SPOCK3: variants seen among roughly 807,000 people sequenced by gnomAD.
The protein encoded by SPOCK3 is SPARC (osteonectin), cwcv and kazal like domains proteoglycan 3.
In SPOCK3, 30 loss-of-function variants were observed where a neutral mutation model predicts 56.6. The observed-to-expected ratio is 0.53, with a 90% CI of 0.40 to 0.72. The LOEUF (loss-of-function observed/expected upper bound fraction) is 0.72. Ranked by LOEUF, SPOCK3 falls within the 30% of genes least tolerant of loss-of-function variation. SPOCK3 has a pLI of 0.00. For synonymous variants in SPOCK3, 196 were observed against 183.3 expected, an observed-to-expected ratio of 1.07 and a Z score of -0.56; for missense variants, 527 against 530.0, an observed-to-expected ratio of 0.99 and a Z score of 0.06.
intron 6 of SPOCK3, among the ~76,000 whole-genome samples, chr4:166,878,273 C>T (rs1733307970): frequency 6.6e-6 from 1 of 151,942 alleles, no homozygotes; most frequent in African/African-American, 2.4e-5. Flanking sequence ...AGCAAGACTC[C>T]ATCTCAAAAA....
At chr4:167,109,289 A>C (rs1378575059) in intron 2 of SPOCK3, among the ~76,000 whole-genome samples, 1 of 91,388 alleles carries the variant, frequency 1.1e-5, no homozygotes, top group Non-Finnish European at 1.9e-5. Context: ...AGTATTAATT[A>C]TTATAAATAA....
chr4:166,985,005 G>A (rs189902305), intron 4 of SPOCK3, among the ~76,000 whole-genome samples: 1 of 152,130 alleles, frequency 6.6e-6, no homozygotes, highest in South Asian at 2.1e-4. Context: ...TCAGAATATG[G>A]CCCCAGAAGT....
chr4:166,859,042 T>C (rs1301615484), intron 6 of SPOCK3, among the ~76,000 whole-genome samples: 1 of 152,226 alleles, frequency 6.6e-6, no homozygotes, highest in East Asian at 1.9e-4. Context: ...TTTACCTTTT[T>C]TATCTCTAGA....
intron 4 of SPOCK3, among the ~76,000 whole-genome samples, chr4:166,947,699 T>C (rs532578124): frequency 6.6e-6 from 1 of 152,156 alleles, no homozygotes; most frequent in South Asian, 2.1e-4. Context: ...ATTCTCTGTG[T>C]TACTTCTTTT....
chr4:166,930,673 A>G (rs1323272200), intron 4 of SPOCK3, among the ~76,000 whole-genome samples: 1 of 152,240 alleles, frequency 6.6e-6, no homozygotes, highest in Non-Finnish European at 1.5e-5. Flanking sequence ...GCACTTATGG[A>G]AAACATTTGC....
chr4:166,950,046 G>C (rs1204357557), intron 4 of SPOCK3, among the ~76,000 whole-genome samples: 2 of 150,012 alleles, frequency 1.3e-5, no homozygotes, highest in African/African-American at 2.5e-5. Flanking sequence ...AAAATAACCA[G>C]CTAACTTCAT....
chr4:166,954,978 T>G (rs970131392), intron 4 of SPOCK3, among the ~76,000 whole-genome samples: 6 of 152,172 alleles, frequency 3.9e-5, no homozygotes, highest in African/African-American at 1.4e-4. Flanking sequence ...TGTTGACTCT[T>G]CTACTAATTC....
intron 3 of SPOCK3, among the ~76,000 whole-genome samples, chr4:167,046,472 T>C (rs1335489457): frequency 7.0e-6 from 1 of 142,478 alleles, no homozygotes; most frequent in African/African-American, 2.6e-5. Flanking sequence ...TTTTTTTTTT[T>C]TTTAACAAAG....
chr4:167,105,947 T>A (rs1178348439), intron 2 of SPOCK3, among the ~76,000 whole-genome samples: 1 of 151,896 alleles, frequency 6.6e-6, no homozygotes, highest in African/African-American at 2.4e-5. Flanking sequence ...CAATTGTAAA[T>A]ATGTAAGCAA....
intron 6 of SPOCK3, among the ~76,000 whole-genome samples, chr4:166,882,578 G>A (rs1055773093): frequency 6.6e-6 from 1 of 152,064 alleles, no homozygotes; most frequent in African/African-American, 2.4e-5. Flanking sequence ...AAGTTTAAAC[G>A]TCCTTTAGTG....
In SPOCK3 at chr4:167,080,466, C is replaced by T. The variant is rs566935142; in HGVS notation, c.190-17929G>A. 9.4e-4 allele frequency among the ~76,000 whole-genome samples: 143 copies of T among 152,078 alleles called. 1 individual carries two copies. The highest frequency in any genetic ancestry group is 3.3e-3 in the African/African-American group (136 of 41,510). Reference sequence around the variant, plus strand: ...TTGAGCAGTACTGTGCTCTTATTAACGGGAATGAGCCTTTCTCTCATCTCC... The same window carrying T: ...TTGAGCAGTACTGTGCTCTTATTAATGGGAATGAGCCTTTCTCTCATCTCC... On this transcript the variant is annotated intron_variant, in intron 2 of 10. Transcript: ENST00000357545.
chr4:166,844,462 A>G lies in SPOCK3; in HGVS notation c.589+44668T>C, dbSNP rs116198032. 4.0e-3 allele frequency among the ~76,000 whole-genome samples: 616 copies of G among 152,326 alleles called. 4 individuals are homozygous for G. Among genetic ancestry groups the G allele is most frequent in the African/African-American group, 0.014 (597 of 41,568 alleles). On this transcript the variant is annotated intron_variant, in intron 6 of 10. Transcript: ENST00000357545. ...TGAAGGCATTTTTTTAGATGCAATT[A>G]ACAATTAAATCAGTAAACTCTGAGT...
chr4:166,918,079 G>T (rs1738072984), intron 4 of SPOCK3, among the ~76,000 whole-genome samples: 1 of 152,088 alleles, frequency 6.6e-6, no homozygotes, highest in Non-Finnish European at 1.5e-5. Flanking sequence ...CTTCAGATAT[G>T]ACTGCCAAGT....
intron 2 of SPOCK3, among the ~76,000 whole-genome samples, chr4:167,142,510 G>A (rs1200085011): frequency 1.3e-5 from 2 of 151,962 alleles, no homozygotes; most frequent in African/African-American, 2.4e-5. Context: ...GAATGTCTTA[G>A]AATGAGAGTC....
intron 7 of SPOCK3, among the ~76,000 whole-genome samples, chr4:166,775,431 G>A (rs1227733974): frequency 6.6e-6 from 1 of 152,132 alleles, no homozygotes. Flanking sequence ...AGAAGAGTGG[G>A]TTTGTGTGGG....
chr4:167,101,704 AT>A (rs1759661517), intron 2 of SPOCK3, among the ~76,000 whole-genome samples: 2 of 148,818 alleles, frequency 1.3e-5, no homozygotes, highest in South Asian at 4.3e-4. Flanking sequence ...TCAATTCATA[AT>A]TCTTACTCTT....
intron 4 of SPOCK3, among the ~76,000 whole-genome samples, chr4:166,959,964 A>C (rs981374270): frequency 6.6e-6 from 1 of 152,184 alleles, no homozygotes; most frequent in Admixed American, 6.5e-5. Flanking sequence ...TAGACTAATA[A>C]TTGAAACAAT....
intron 3 of SPOCK3, among the ~76,000 whole-genome samples, chr4:167,009,012 C>A (rs1195834284): frequency 3.9e-5 from 6 of 152,016 alleles, no homozygotes; most frequent in African/African-American, 1.2e-4. Context: ...GAATAATACA[C>A]CCCTAAAAAA....
intron 6 of SPOCK3, among the ~76,000 whole-genome samples, chr4:166,861,629 C>G (rs1201747382): frequency 6.6e-6 from 1 of 152,104 alleles, no homozygotes; most frequent in Non-Finnish European, 1.5e-5. Flanking sequence ...ATGTGTGGCT[C>G]TCTCCAGCCA....
Sources: allele counts gnomAD v4.1 joint callset (sites outside exome capture counted in the v4.1 genomes callset), GRCh38; gene constraint gnomAD v4.1.1; transcripts MANE v1.5; gene names NCBI Gene and HGNC (gene_info 2026-07-23, HGNC 2026-07-21).